The following CCZ1 variants were observed in gnomAD, a reference collection of about 807,000 sequenced individuals.
CCZ1 encodes vacuolar fusion protein CCZ1 homolog.
A neutral mutation model predicts 57.8 loss-of-function variants in CCZ1; 19 were observed. The ratio of observed to expected loss-of-function variants is 0.33; its 90% CI spans 0.23 to 0.48. The LOEUF is 0.48. CCZ1 is among the 20% of genes least tolerant of loss of function. The pLI is 0.99. For synonymous variants in CCZ1, 81 were observed against 167.0 expected, an observed-to-expected ratio of 0.49 and a Z score of 3.97; for missense variants, 200 against 492.0, an observed-to-expected ratio of 0.41 and a Z score of 5.61.
rs1036850079 is a variant in CCZ1, at chr7:5,905,418, G to A, written c.698+149G>A. ...TCATAGATATTGTCAAAATAAAGCA[G>A]TGATTATTTAAAGCAGAACTAGGGT... On this transcript the variant is annotated intron_variant, in intron 7 of 14. Transcript: ENST00000325974. The A allele has an allele frequency of 2.2e-5, 13 of 583,386 alleles. 1 individual carries two copies. Among genetic ancestry groups the A allele is most frequent in the Non-Finnish European group, 3.5e-5 (12 of 340,168 alleles). 36.1% of individuals were successfully genotyped at this position (583,386 alleles called of 1,614,324 possible).
rs189395646 is a variant in CCZ1 at position 5,902,909 on chromosome 7, G to A, written c.522+165G>A. On this transcript the variant is annotated intron_variant, in intron 6 of 14. Transcript: ENST00000325974. The stretch of plus-strand genomic sequence containing the variant: ...AAACTGGAGCAGCGAGGAAACGCAT[G>A]AGGCTTGTGCTCTGGAACCTTCCCT... Among the ~76,000 whole-genome samples, 131 of 149,054 alleles carry A rather than the reference G, an allele frequency of 8.8e-4. 1 individual carries two copies. Among genetic ancestry groups the A allele is most frequent in the African/African-American group, 3.2e-3 (128 of 40,352 alleles).
At chr7:5,924,298 C>T (rs1779310775) in intron 14 of CCZ1, among the ~76,000 whole-genome samples, 2 of 81,778 alleles carry the variant, frequency 2.4e-5, no homozygotes, top group South Asian at 3.7e-4. Context: ...AATCATAGCT[C>T]ACCACAGCCC....
intron 1 of CCZ1, among the ~76,000 whole-genome samples, chr7:5,899,361 G>A (rs1219115810): frequency 6.7e-6 from 1 of 148,848 alleles, no homozygotes; most frequent in African/African-American, 2.5e-5. Context: ...GTGTGTGTGT[G>A]TGTGTGTGTG....
chr7:5,909,499 C>G (rs937969693), intron 7 of CCZ1, among the ~76,000 whole-genome samples: 2 of 147,758 alleles, frequency 1.4e-5, no homozygotes, highest in African/African-American at 5.0e-5. Context: ...TCCAGCAGTT[C>G]GAAACCAGCC....
At chr7:5,909,249 T>TA (rs1347334119) in intron 7 of CCZ1, among the ~76,000 whole-genome samples, 3 of 149,486 alleles carry the variant, frequency 2.0e-5, no homozygotes, top group Non-Finnish European at 4.4e-5. Context: ...GGTGAGCCTC[T>TA]TGATATAATG....
chr7:5,910,101 G>T lies in CCZ1; in HGVS notation c.765G>T (p.Arg255Ser). 2 of 1,567,148 alleles carry T rather than the reference G, an allele frequency of 1.3e-6. No individual in the cohort carries two copies. The highest frequency in any genetic ancestry group is 1.7e-6 in the Non-Finnish European group (2 of 1,143,310). ...ACCTTACCACCTCCCTTTTTCCAAG[G>T]CACATCGAACCTGAGGTATGATGGG... ...YKYLTTSLFP[R>S]HIEPELAGRD... is the part of the protein sequence containing the mutation. The change falls in exon 8 of 15, where the codon AGG becomes AGT. Residue 255 changes from arginine (R) to serine (S), a missense_variant. Physicochemically the swap from Arg to Ser is moderately radical, Grantham distance 110 (BLOSUM62 -1). Around this residue, in one of 5 missense-constraint regions of CCZ1, gnomAD observed 128 missense variants for 178.4 expected, o/e 0.72. Coordinates refer to ENST00000325974, the MANE Select transcript of CCZ1 (RefSeq NM_015622.6).
chr7:5,900,057 G>A (rs1236109533), intron 1 of CCZ1, among the ~76,000 whole-genome samples: 2 of 150,846 alleles, frequency 1.3e-5, no homozygotes, highest in African/African-American at 4.9e-5. Flanking sequence ...TAATAGAGAC[G>A]TCTCACTGTG....
In CCZ1 at chr7:5,906,972, A is replaced by G. The variant is rs185199975; in HGVS notation, c.698+1703A>G. 2.5e-3 allele frequency among the ~76,000 whole-genome samples: 366 copies of G among 149,250 alleles called. 8 individuals carry two copies. The highest frequency in any genetic ancestry group is 3.9e-3 in the Non-Finnish European group (266 of 67,726). ...AACCCCTGCCTCCTGGGTTCAAGCA[A>G]TTCTCCTGCCTCAGCCTCCCGAGTA... On this transcript the variant is annotated intron_variant, in intron 7 of 14. Transcript: ENST00000325974.
chr7:5,916,498 GTTTTTTGTTTTTT>G (rs1562544350), intron 10 of CCZ1, among the ~76,000 whole-genome samples: 5 of 111,012 alleles, frequency 4.5e-5, no homozygotes, highest in South Asian at 3.1e-4. Context: ...TTTTTGTTTT[GTTTTTTGTTTTTT>G]TTTTTTTTGG....
Position 5,908,135 on chromosome 7 carries a change from G to A in CCZ1, c.699-1900G>A, listed in dbSNP as rs181938603. Among the ~76,000 whole-genome samples, 339 of 143,014 alleles carry A rather than the reference G, an allele frequency of 2.4e-3. 30 individuals carry two copies. Among genetic ancestry groups the A allele is most frequent in the African/African-American group, 8.5e-3 (323 of 37,906 alleles). The allele number at this position is 143,014 out of a possible 152,430, so 93.8% of individuals were successfully genotyped here. On this transcript the variant is annotated intron_variant, in intron 7 of 14. Coordinates refer to ENST00000325974, the MANE Select transcript of CCZ1 (RefSeq NM_015622.6). ...AAAAAGAAAAACAGCACGTTTTGAC[G>A]GAATTGCTTATTCCAAAGCTGTTAT...
chr7:5,902,691 G>A lies in CCZ1; in HGVS notation c.469G>A (p.Glu157Lys), dbSNP rs1380231470. 2.5e-6 allele frequency: 4 copies of A among 1,591,140 alleles called. No homozygotes were observed. The highest frequency in any genetic ancestry group is 1.7e-4 in the Middle Eastern group (1 of 6,036). The change falls in exon 6 of 15, where the codon GAA becomes AAA. Residue 157 changes from glutamate (E) to lysine (K), a missense_variant. Physicochemically the swap from Glu to Lys is moderately conservative, Grantham distance 56. Coordinates refer to ENST00000325974, the MANE Select transcript of CCZ1 (RefSeq NM_015622.6). ...LFNGTFLKAM[E>K]DGGVKLLKER... ...TAATGGTACATTTCTGAAAGCCATG[G>A]AAGACGGAGGCGTCAAGCTTCTGAA...
chr7:5,908,048 C>T (rs1338969639), intron 7 of CCZ1, among the ~76,000 whole-genome samples: 1 of 142,026 alleles, frequency 7.0e-6, no homozygotes, highest in African/African-American at 2.7e-5. Flanking sequence ...TTTGAGGTTG[C>T]AGTGAGCTAT....
chr7:5,911,403 A>G (rs1781976333), intron 8 of CCZ1, among the ~76,000 whole-genome samples: 1 of 148,794 alleles, frequency 6.7e-6, no homozygotes, highest in Non-Finnish European at 1.5e-5. Flanking sequence ...CCTGGGCTCA[A>G]GCGGTCGTGT....
intron 12 of CCZ1, among the ~76,000 whole-genome samples, chr7:5,920,858 T>C (rs1272116354): frequency 4.0e-4 from 48 of 119,900 alleles, no homozygotes; most frequent in African/African-American, 1.4e-3. Context: ...AGTCCTGCTT[T>C]TAAATGGGCT....
At chr7:5,905,648 G>T (rs529352442) in intron 7 of CCZ1, among the ~76,000 whole-genome samples, 2 of 144,074 alleles carry the variant, frequency 1.4e-5, no homozygotes, top group African/African-American at 2.6e-5. Context: ...TGGGCGTGGT[G>T]GTGCATGCCT....
At chr7:5,900,687 G>C in intron 3 of CCZ1, 121 bp downstream of exon 3, 1 of 1,265,518 alleles carries the variant, frequency 7.9e-7, no homozygotes, top group Non-Finnish European at 1.1e-6. Flanking sequence ...AAATAAAATT[G>C]GTTGCAATTT....
At chr7:5,899,579 A>AACCCCCAACTCTACAAAAAAAAGTTGT (rs1781635858) in intron 1 of CCZ1, among the ~76,000 whole-genome samples, 1 of 100,520 alleles carries the variant, frequency 9.9e-6, no homozygotes, top group African/African-American at 3.8e-5. Flanking sequence ...GCAACATAGC[A>AACCCCCAACTCTACAAAAAAAAGTTGT]AGACCCCCAA....
At chr7:5,905,020 T>G (rs55794922) in intron 6 of CCZ1, 74 bp from the exon 7 acceptor site, 64,559 of 1,136,088 alleles carry the variant, frequency 0.057, 652 homozygotes, top group African/African-American at 0.13. Context: ...GACATAAGAT[T>G]ATTTTCAGTT....
intron 5 of CCZ1, 27 bp downstream of exon 5, chr7:5,901,731 A>G (rs1392997360): frequency 2.5e-6 from 4 of 1,597,742 alleles, no homozygotes; most frequent in Non-Finnish European, 3.4e-6. Flanking sequence ...TTCTCAACTC[A>G]GAGTCCAGCC....
Sources: gnomAD v4.1 joint callset for allele counts (sites outside exome capture counted in the v4.1 genomes callset) on GRCh38, gnomAD v4.1.1 for gene constraint, gnomAD v4.1.1 regional missense constraint, MANE v1.5 for transcripts, NCBI Gene and HGNC (gene_info 2026-07-23, HGNC 2026-07-21) for gene names.